The following ART3 variants were observed in gnomAD, a reference collection of about 807,000 sequenced individuals.
The protein encoded by ART3 is ADP-ribosyltransferase 3 (inactive), also known as ecto-ADP-ribosyltransferase 3.
A neutral mutation model predicts 48.5 loss-of-function variants in ART3; 49 were observed. The ratio of observed to expected loss-of-function variants is 1.01; its 90% confidence interval spans 0.80 to 1.28. The LOEUF (loss-of-function observed/expected upper bound fraction) is 1.28, where lower values mean the gene tolerates loss of function less well. Among genes scored for constraint, ART3 ranks in the 50% most tolerant of loss-of-function variants. ART3 has a pLI of 0.00. For missense variants in ART3, 438 were observed against 454.3 expected (o/e 0.96, Z 0.33); for synonymous variants, 145 against 157.2 (o/e 0.92, Z 0.58).
At chr4:76,034,115 C>T (rs758617912) in intron 1 of ART3, 1 of 225,160 alleles carries the variant, frequency 4.4e-6, no homozygotes, top group Non-Finnish European at 8.5e-6. Flanking sequence ...TTTCATAGTA[C>T]ATTTTATGAA....
chr4:76,056,555 A>C (rs1182047388), intron 1 of ART3, among the ~76,000 whole-genome samples: 1 of 152,184 alleles, frequency 6.6e-6, no homozygotes, highest in African/African-American at 2.4e-5. Flanking sequence ...AAGAACCAGC[A>C]TTATAGTTTA....
intron 1 of ART3, among the ~76,000 whole-genome samples, chr4:76,046,899 T>C (rs888144753): frequency 7.2e-5 from 11 of 152,036 alleles, no homozygotes; most frequent in African/African-American, 2.2e-4. Flanking sequence ...GGACAGGAGA[T>C]TAACCCTGAG....
chr4:76,045,245 T>C (rs1735387526), intron 1 of ART3, among the ~76,000 whole-genome samples: 1 of 152,074 alleles, frequency 6.6e-6, no homozygotes, highest in African/African-American at 2.4e-5. Context: ...GTCTGGACTA[T>C]AATTTGTTGG....
chr4:76,036,228 G>A (rs1326222946), intron 1 of ART3: 1 of 453,148 alleles, frequency 2.2e-6, no homozygotes, highest in East Asian at 3.5e-5. Flanking sequence ...CCTATTTGCA[G>A]TAGTGTTGAA....
In ART3 at chr4:76,030,732, A is replaced by T. The variant is rs535365466; in HGVS notation, c.-10+19412A>T. On this transcript the variant is annotated intron_variant, in intron 1 of 9. Transcript: ENST00000341029. ...ATTTCCTATAAAATGGAATCATACA[A>T]TATGTGGTCCCTTGTGTCTGGCTTT... is the stretch of plus-strand genomic sequence containing the variant. 2.6e-5 allele frequency among the ~76,000 whole-genome samples: 4 copies of T among 152,304 alleles called. No individual in the cohort carries two copies. The South Asian group carries it at 8.3e-4, about 32-fold the overall frequency.
intron 3 of ART3, among the ~76,000 whole-genome samples, chr4:76,091,967 G>C (rs1172954732): frequency 1.3e-5 from 2 of 152,182 alleles, no homozygotes; most frequent in African/African-American, 4.8e-5. Context: ...ATAGGTGTGA[G>C]CCACTGTGCC....
intron 2 of ART3, among the ~76,000 whole-genome samples, chr4:76,078,729 A>G (rs1451634786): frequency 6.6e-6 from 1 of 152,218 alleles, no homozygotes; most frequent in Non-Finnish European, 1.5e-5. Flanking sequence ...ATAAATGTCC[A>G]TGGTCTTCAT....
chr4:76,057,650 G>T (rs746571071), intron 1 of ART3, among the ~76,000 whole-genome samples: 14 of 152,174 alleles, frequency 9.2e-5, no homozygotes, highest in Non-Finnish European at 1.3e-4. Flanking sequence ...TGACATATGA[G>T]GAGACCTAGA....
intron 1 of ART3, among the ~76,000 whole-genome samples, chr4:76,056,359 G>A (rs1414517030): frequency 1.3e-5 from 2 of 152,092 alleles, no homozygotes; most frequent in East Asian, 3.9e-4. Flanking sequence ...CTACCTGTGG[G>A]GTCTTCCCAA....
intron 1 of ART3, among the ~76,000 whole-genome samples, chr4:76,032,788 G>A (rs1451801366): frequency 1.3e-5 from 2 of 151,912 alleles, no homozygotes; most frequent in African/African-American, 4.8e-5. Context: ...GTTTCACCAT[G>A]TTAGCCATGC....
At chr4:76,055,742 A>G (rs1182372960) in intron 1 of ART3, among the ~76,000 whole-genome samples, 1 of 152,238 alleles carries the variant, frequency 6.6e-6, no homozygotes, top group Non-Finnish European at 1.5e-5. Flanking sequence ...AGCCCCATTT[A>G]ATTTACATTT....
At chr4:76,093,203 C>G (rs1347672724) in intron 3 of ART3, among the ~76,000 whole-genome samples, 1 of 152,130 alleles carries the variant, frequency 6.6e-6, no homozygotes, top group Non-Finnish European at 1.5e-5. Context: ...AGGAGGATCA[C>G]TTGAGTTCAG....
chr4:76,033,682 T>C (rs1734079767), intron 1 of ART3: 1 of 152,186 alleles, frequency 6.6e-6, no homozygotes, highest in Non-Finnish European at 1.5e-5. Flanking sequence ...TATATAGATC[T>C]TTTTTTAAAA....
chr4:76,091,757 C>T (rs549511577), intron 3 of ART3, among the ~76,000 whole-genome samples: 34 of 149,292 alleles, frequency 2.3e-4, no homozygotes, highest in African/African-American at 8.2e-4. Context: ...TTTTGGCTCA[C>T]TGCAACCTCT....
At chr4:76,056,194 G>C (rs1718665547) in intron 1 of ART3, among the ~76,000 whole-genome samples, 1 of 152,182 alleles carries the variant, frequency 6.6e-6, no homozygotes, top group African/African-American at 2.4e-5. Flanking sequence ...CAGAGTCCCA[G>C]TAACCCTAGG....
chr4:76,022,718 C>T (rs897559459), intron 1 of ART3: 3 of 1,613,754 alleles, frequency 1.9e-6, no homozygotes, highest in Non-Finnish European at 2.5e-6. Flanking sequence ...ACAAAATTGG[C>T]TTGCAGGAAT....
chr4:76,109,192 T>G (rs537904431), intron 11 of ART3, among the ~76,000 whole-genome samples: 3 of 152,198 alleles, frequency 2.0e-5, no homozygotes, highest in South Asian at 2.1e-4. Flanking sequence ...CATTGTACAG[T>G]AGTACAAAAA....
intron 3 of ART3, among the ~76,000 whole-genome samples, chr4:76,092,020 A>G (rs1317840189): frequency 2.6e-5 from 4 of 152,182 alleles, no homozygotes; most frequent in Non-Finnish European, 5.9e-5. Flanking sequence ...TGATCACTAT[A>G]GCTATATAAT....
chr4:76,039,032 T>C (rs915908686), intron 1 of ART3, among the ~76,000 whole-genome samples: 1 of 152,036 alleles, frequency 6.6e-6, no homozygotes, highest in African/African-American at 2.4e-5. Flanking sequence ...CCACATTCAG[T>C]TATTTATGAA....
Sources: allele counts gnomAD v4.1 joint callset (sites outside exome capture counted in the v4.1 genomes callset), GRCh38; gene constraint gnomAD v4.1.1; transcripts MANE v1.5; gene names NCBI Gene and HGNC (gene_info 2026-07-23, HGNC 2026-07-21).